The following ZNF44 variants were observed in gnomAD, a reference collection of about 807,000 sequenced individuals.
ZNF44 encodes the protein gonadotropin inducible transcription repressor-2.
Under a neutral mutation model 11.7 loss-of-function variants are expected in ZNF44, and 9 were observed. That is an observed-to-expected ratio of 0.77 (90% CI 0.46 to 1.35). The LOEUF (loss-of-function observed/expected upper bound fraction) is 1.35. Ranked by LOEUF, ZNF44 falls within the 40% of genes most tolerant of loss-of-function variation. The pLI, the probability that ZNF44 is intolerant of heterozygous loss-of-function variation, is 0.00. For synonymous variants in ZNF44, 224 were observed against 242.7 expected, an observed-to-expected ratio of 0.92 and a Z score of 0.72; for missense variants, 696 against 743.1, an observed-to-expected ratio of 0.94 and a Z score of 0.74.
rs1158302600 is a variant in ZNF44 at position 12,294,830 on chromosome 19, G to A, written c.-136C>T. 11 of 1,006,200 alleles carry A rather than the reference G, an allele frequency of 1.1e-5. No homozygotes were observed. Among genetic ancestry groups the A allele is most frequent in the Non-Finnish European group, 1.5e-5 (11 of 717,848 alleles). The allele number at this position is 1,006,200 out of a possible 1,614,324, so 62.3% of individuals were successfully genotyped here. On this transcript the variant is annotated 5_prime_UTR_variant, in exon 1 of 4. Transcript: ENST00000355684. ...GGAACAGAGGTCACCAGGGTGAAGA[G>A]GCCACTAGCTCCTGGAACGTCACAC... is the stretch of plus-strand genomic sequence containing the variant.
chr19:12,273,915 C>T lies in ZNF44; in HGVS notation c.340G>A (p.Gly114Ser). 6.2e-7 allele frequency: 1 copy of T among 1,614,084 alleles called. No homozygotes were observed. The highest frequency in any genetic ancestry group is 1.1e-5 in the South Asian group (1 of 91,082). ...ATGTAGCAATTCAGGGATGAATGAC[C>T]CATTATGACTTCTCCATTCACACTG... ...GSSVNGEVIM[G>S]HSSLNCYIRV... Residue 114 changes from glycine to serine, a missense_variant, in exon 4 of 4, where the codon GGT becomes AGT. Gly to Ser is a moderately conservative substitution (Grantham distance 56). Coordinates refer to ENST00000355684, the MANE Select transcript of ZNF44 (RefSeq NM_016264.4).
At chr19:12,257,680 A>T (rs1037914532) in intron 5 of ZNF44, among the ~76,000 whole-genome samples, 4 of 149,788 alleles carry the variant, frequency 2.7e-5, no homozygotes, top group Non-Finnish European at 5.9e-5. Flanking sequence ...AGGTGCCTGT[A>T]ATCCCAGCTA....
At chr19:12,286,472 A>G (rs1967755368) in intron 1 of ZNF44, among the ~76,000 whole-genome samples, 2 of 151,894 alleles carry the variant, frequency 1.3e-5, no homozygotes. Context: ...CGTCTCTACT[A>G]AAAATACAAA....
intron 3 of ZNF44, among the ~76,000 whole-genome samples, chr19:12,227,684 T>G (rs1361965043): frequency 1.3e-5 from 2 of 152,244 alleles, no homozygotes; most frequent in African/African-American, 4.8e-5. Flanking sequence ...CACACAATAA[T>G]TTTAACATAA....
chr19:12,293,333 C>G, intron 1 of ZNF44: 2 of 1,536,948 alleles, frequency 1.3e-6, no homozygotes, highest in Non-Finnish European at 1.7e-6. Context: ...TTGGCAGCTT[C>G]CAGCATCTTA....
At chr19:12,291,452 C>A (rs553507116) in intron 1 of ZNF44, among the ~76,000 whole-genome samples, 1 of 152,316 alleles carries the variant, frequency 6.6e-6, no homozygotes, top group East Asian at 1.9e-4. Flanking sequence ...AAACCTATTA[C>A]ATGGTCTCTG....
intron 1 of ZNF44, among the ~76,000 whole-genome samples, chr19:12,289,399 C>G (rs1229716126): frequency 6.6e-6 from 1 of 152,120 alleles, no homozygotes; most frequent in African/African-American, 2.4e-5. Context: ...CACCCTCAGC[C>G]TAAGCCAAAA....
intron 5 of ZNF44, among the ~76,000 whole-genome samples, chr19:12,257,425 A>G (rs1445690371): frequency 1.3e-5 from 2 of 151,946 alleles, no homozygotes; most frequent in Non-Finnish European, 2.9e-5. Flanking sequence ...TGAGGAGGGT[A>G]GATCACCTGA....
intron 1 of ZNF44, among the ~76,000 whole-genome samples, chr19:12,289,151 A>G (rs1028073485): frequency 1.3e-5 from 2 of 152,006 alleles, no homozygotes; most frequent in Middle Eastern, 3.4e-3. Flanking sequence ...CAAAAAATAC[A>G]AAAATATTAG....
At chr19:12,276,127 G>A in intron 1 of ZNF44, 45 bp from the exon 2 acceptor site, 1 of 1,579,766 alleles carries the variant, frequency 6.3e-7, no homozygotes. Flanking sequence ...GAAACTCACA[G>A]TACTGAGAAC....
chr19:12,266,426 A>C, intron 5 of ZNF44: 1 of 795,624 alleles, frequency 1.3e-6, no homozygotes, highest in South Asian at 5.7e-5. Flanking sequence ...AGGGAAAAAA[A>C]ACCCAAACCC....
At chr19:12,235,522 T>C (rs1916351733) in intron 1 of ZNF44, among the ~76,000 whole-genome samples, 1 of 152,070 alleles carries the variant, frequency 6.6e-6, no homozygotes, top group South Asian at 2.1e-4. Flanking sequence ...GGTGGAAAAC[T>C]ATAGACCAGT....
rs567106146 is a variant in ZNF44, at chr19:12,272,159, G to A, written c.*248C>T. On this transcript the variant is annotated 3_prime_UTR_variant, in exon 4 of 4. Coordinates refer to ENST00000355684, the MANE Select transcript of ZNF44 (RefSeq NM_016264.4). ...CTACAGGTGTGAGCAACTATGCCTGGCTATTTTTTTTTTTTTCCGTATTTT... is the reference window on the plus strand; with the variant it reads ...CTACAGGTGTGAGCAACTATGCCTGACTATTTTTTTTTTTTTCCGTATTTT... The A allele has an allele frequency of 1.3e-5, 5 of 399,756 alleles. No individual in the cohort carries two copies. In the East Asian group the frequency reaches 2.5e-4, roughly 20 times the overall value. The allele number at this position is 399,756 out of a possible 1,614,324, so 24.8% of individuals were successfully genotyped here. A position where few individuals can be genotyped will look rare whatever the true frequency, so the allele number is the denominator to read the frequency against.
intron 5 of ZNF44, chr19:12,260,042 A>C: frequency 2.0e-6 from 1 of 489,218 alleles, no homozygotes; most frequent in African/African-American, 1.9e-5. Flanking sequence ...CCCACTCTTT[A>C]CATTTGGGGC....
downstream of ZNF44, among the ~76,000 whole-genome samples, chr19:12,267,038 T>TTTTTTC (rs1555739401): frequency 8.1e-3 from 1,195 of 148,028 alleles, 15 homozygotes; most frequent in African/African-American, 0.027. Flanking sequence ...CATTTTTTCT[T>TTTTTTC]TTTTCTTTTT....
At chr19:12,282,979 C>A (rs1455456853) in intron 1 of ZNF44, among the ~76,000 whole-genome samples, 1 of 152,154 alleles carries the variant, frequency 6.6e-6, no homozygotes, top group Non-Finnish European at 1.5e-5. Context: ...AATGACAATT[C>A]CGGTATGAAT....
intron 5 of ZNF44, among the ~76,000 whole-genome samples, chr19:12,262,958 C>G (rs544111212): frequency 6.6e-6 from 1 of 152,302 alleles, no homozygotes; most frequent in African/African-American, 2.4e-5. Flanking sequence ...AATCCACACA[C>G]AGAAGGTCAA....
chr19:12,261,956 CTT>C (rs941618822), intron 5 of ZNF44, among the ~76,000 whole-genome samples: 10 of 152,004 alleles, frequency 6.6e-5, no homozygotes, highest in African/African-American at 2.4e-4. Context: ...AATTTATTGA[CTT>C]TTAACTTTTT....
intron 3 of ZNF44, among the ~76,000 whole-genome samples, chr19:12,228,087 C>T (rs1199539179): frequency 6.6e-6 from 1 of 152,186 alleles, no homozygotes; most frequent in Admixed American, 6.5e-5. Context: ...GATGCTACCC[C>T]TTCAACTTTA....
Sources: gnomAD v4.1 joint callset for allele counts (sites outside exome capture counted in the v4.1 genomes callset) on GRCh38, gnomAD v4.1.1 for gene constraint, MANE v1.5 for transcripts, NCBI Gene and HGNC (gene_info 2026-07-23, HGNC 2026-07-21) for gene names.